NCOR2: variants seen among roughly 807,000 people sequenced by gnomAD.
NCOR2 encodes the protein nuclear receptor corepressor 2.
In NCOR2, 81 loss-of-function variants were observed where a neutral mutation model predicts 262.9. That is an observed-to-expected ratio of 0.31 (90% CI 0.26 to 0.37). The LOEUF is 0.37. Among genes scored for constraint, NCOR2 ranks in the 10% least tolerant of loss-of-function variants. NCOR2 has a pLI of 1.00. For synonymous variants in NCOR2, 1,659 were observed against 1,559.3 expected, an observed-to-expected ratio of 1.06 and a Z score of -1.51; for missense variants, 3,385 against 3,621.4, an observed-to-expected ratio of 0.93 and a Z score of 1.68.
chr12:124,375,992 G>C (rs1164899890), intron 18 of NCOR2, among the ~76,000 whole-genome samples: 3 of 152,172 alleles, frequency 2.0e-5, no homozygotes, highest in Non-Finnish European at 4.4e-5. Flanking sequence ...CTGAGCACAA[G>C]AGACAGGTCA....
At chr12:124,562,273 C>A (rs1031728926) in intron 1 of NCOR2, 1 of 152,192 alleles carries the variant, frequency 6.6e-6, no homozygotes, top group Non-Finnish European at 1.5e-5. Flanking sequence ...GGCTAAAGCA[C>A]GGGACAGCGC....
intron 20 of NCOR2, among the ~76,000 whole-genome samples, chr12:124,364,207 C>T (rs80156466): frequency 6.6e-6 from 1 of 152,238 alleles, no homozygotes; most frequent in Non-Finnish European, 1.5e-5. Context: ...CCACACCACA[C>T]GTGGCCCTTC....
At position 124,404,977 on chromosome 12, in the gene NCOR2, G is replaced by A. The variant is rs142287621; in HGVS notation, c.1483-2416C>T. Among the ~76,000 whole-genome samples the A allele has an allele frequency of 3.3e-3, 505 of 152,344 alleles. 4 individuals carry two copies. The highest frequency in any genetic ancestry group is 0.011 in the African/African-American group (471 of 41,586). ...GCTTCGAGGTCTCGGAGCAAAGGCT[G>A]ACGGCCCAGAGTGTGGGGGATGGGG... On this transcript the variant is annotated intron_variant, in intron 13 of 46. Coordinates refer to ENST00000405201, the Ensembl canonical transcript of NCOR2.
At chr12:124,391,502 CGG>C (rs5801549) in intron 16 of NCOR2, among the ~76,000 whole-genome samples, 5,354 of 148,764 alleles carry the variant, frequency 0.036, 126 homozygotes, top group African/African-American at 0.064. Context: ...CAAGCCCTGG[CGG>C]GGGGGGGGTT....
At chr12:124,451,552 T>C (rs2045536209) in intron 6 of NCOR2, among the ~76,000 whole-genome samples, 1 of 145,920 alleles carries the variant, frequency 6.9e-6, no homozygotes, top group Non-Finnish European at 1.5e-5. Context: ...TGAGTCTCTG[T>C]GTGTGTGTGT....
At chr12:124,333,353 A>G in intron 41 of NCOR2, 74 bp from the exon 44 acceptor site, 1 of 1,327,684 alleles carries the variant, frequency 7.5e-7, no homozygotes, top group Admixed American at 3.3e-5. Context: ...TCCACTCTAA[A>G]CCAGGGCCCC....
intron 6 of NCOR2, among the ~76,000 whole-genome samples, chr12:124,455,944 T>C (rs1035675057): frequency 3.9e-5 from 6 of 152,192 alleles, no homozygotes; most frequent in Non-Finnish European, 8.8e-5. Context: ...GGTGTGATCA[T>C]AGCTCACCGC....
intron 1 of NCOR2, among the ~76,000 whole-genome samples, chr12:124,555,001 CACAGTCCAGGGG>C (rs138460932): frequency 0.31 from 46,576 of 152,062 alleles, 7,668 homozygotes; most frequent in Middle Eastern, 0.39. Flanking sequence ...TCCTGAGGAC[CACAGTCCAGGGG>C]AAAGGGATGA....
At chr12:124,410,180 C>T (rs1450211122) in intron 13 of NCOR2, among the ~76,000 whole-genome samples, 1 of 149,394 alleles carries the variant, frequency 6.7e-6, no homozygotes, top group South Asian at 2.3e-4. Flanking sequence ...CTTGAGATGT[C>T]CCCCAGGCCC....
At chr12:124,490,378 C>T (rs750635760) in intron 1 of NCOR2, among the ~76,000 whole-genome samples, 10 of 151,880 alleles carry the variant, frequency 6.6e-5, no homozygotes, top group Non-Finnish European at 1.3e-4. Flanking sequence ...TGGAAGAGGA[C>T]GGGCCCGAGA....
chr12:124,355,533 G>A (rs778200220), exon 24 of NCOR2: 1 of 1,596,158 alleles, frequency 6.3e-7, no homozygotes, highest in South Asian at 1.1e-5. Flanking sequence ...GGCAGGACGG[G>A]CCGGGCAGTG....
At chr12:124,388,877 GGAGGGAGGGAGGGAGGGAGC>G (rs1352255275) in intron 16 of NCOR2, 10 of 919,704 alleles carry the variant, frequency 1.1e-5, no homozygotes, top group African/African-American at 4.1e-5. Context: ...AGGGAGGGAG[GGAGGGAGGGAGGGAGGGAGC>G]GAGGGAGGGA....
At chr12:124,474,592 C>T (rs967690491) in intron 3 of NCOR2, among the ~76,000 whole-genome samples, 1 of 152,156 alleles carries the variant, frequency 6.6e-6, no homozygotes, top group African/African-American at 2.4e-5. Flanking sequence ...CAAATCCCAG[C>T]CCCCTCTGCC....
At chr12:124,325,714 T>G (rs2034568394) in intron 46 of NCOR2, 131 bp from the exon 49 acceptor site, 1 of 540,606 alleles carries the variant, frequency 1.8e-6, no homozygotes, top group African/African-American at 2.0e-5. Context: ...CCTTTCTAAT[T>G]GCGAACAGGT....
rs982296756 is a variant in NCOR2 at position 124,389,685 on chromosome 12, C to T, written c.1877-3798G>A. 2.6e-5 allele frequency among the ~76,000 whole-genome samples: 4 copies of T among 152,144 alleles called. No homozygotes were observed. Among genetic ancestry groups the T allele is most frequent in the Non-Finnish European group, 2.9e-5 (2 of 68,030 alleles). ...GGTGGGCAGGGCTAGCCTCGCATTC[C>T]GGAGGGATCCCGGGATTTGAGGAGC... On this transcript the variant is annotated intron_variant, in intron 16 of 46. Coordinates refer to ENST00000405201, the Ensembl canonical transcript of NCOR2. This position sits in a 1 kb window ranked among gnomAD's most constrained non-coding sequence, Gnocchi z 4.4.
intron 1 of NCOR2, among the ~76,000 whole-genome samples, chr12:124,502,207 C>A (rs911805472): frequency 1.3e-5 from 2 of 152,192 alleles, no homozygotes; most frequent in African/African-American, 4.8e-5. Flanking sequence ...GCCCCCACAG[C>A]CAATGAGGAA....
intron 1 of NCOR2, among the ~76,000 whole-genome samples, chr12:124,565,171 G>C (rs1361513239): frequency 6.6e-6 from 1 of 152,166 alleles, no homozygotes; most frequent in Non-Finnish European, 1.5e-5. Context: ...CATTTACATG[G>C]ATTTATCAAT....
rs114872305 is a variant in NCOR2, at chr12:124,503,251, G to A, written c.-117-7883C>T. Among the ~76,000 whole-genome samples, 1 of 152,232 alleles carries A rather than the reference G, an allele frequency of 6.6e-6. No individual in the cohort carries two copies. Among genetic ancestry groups the A allele is most frequent in the Non-Finnish European group, 1.5e-5 (1 of 68,046 alleles). On this transcript the variant is annotated intron_variant, in intron 1 of 46. Transcript: ENST00000404621. This position sits in a 1 kb window ranked among gnomAD's most constrained non-coding sequence, Gnocchi z 4.3. ...TGACCAAGTCAGACAAAAGGCAAAA[G>A]GCCCTGCTGACCACGGCCCACACCC...
chr12:124,501,335 G>A (rs991129813), intron 1 of NCOR2, among the ~76,000 whole-genome samples: 15 of 152,132 alleles, frequency 9.9e-5, no homozygotes, highest in Non-Finnish European at 2.1e-4. Context: ...GACAGCCACC[G>A]AGAGGCACGG....
Sources: gnomAD v4.1 joint callset for allele counts (sites outside exome capture counted in the v4.1 genomes callset) on GRCh38, gnomAD v4.1.1 for gene constraint, Gnocchi (gnomAD v3.1) non-coding constraint, MANE v1.5 for transcripts, NCBI Gene and HGNC (gene_info 2026-07-23, HGNC 2026-07-21) for gene names.